The following WDR12 variants were observed in gnomAD, a reference collection of about 807,000 sequenced individuals.
The protein encoded by WDR12 is ribosome biogenesis protein WDR12.
Under a neutral mutation model 64.3 loss-of-function variants are expected in WDR12, and 42 were observed. The observed-to-expected ratio is 0.65, with a 90% CI of 0.51 to 0.84. The LOEUF (loss-of-function observed/expected upper bound fraction) is 0.84. Ranked by LOEUF, WDR12 falls within the 40% of genes least tolerant of loss-of-function variation. The pLI, the probability that WDR12 is intolerant of heterozygous loss-of-function variation, is 0.00. For missense variants in WDR12, 469 were observed against 494.6 expected, an observed-to-expected ratio of 0.95 and a Z score of 0.49; for synonymous variants, 158 against 173.3, an observed-to-expected ratio of 0.91 and a Z score of 0.70.
chr2:202,886,089 G>GT (rs967541823), intron 8 of WDR12, among the ~76,000 whole-genome samples: 3 of 149,748 alleles, frequency 2.0e-5, no homozygotes, highest in Non-Finnish European at 3.0e-5. Flanking sequence ...ATAAGGGGTT[G>GT]TTTTTTACAA....
In WDR12 at chr2:202,883,601, G is replaced by A; in HGVS notation, c.1121+8C>T. On this transcript the variant is annotated splice_region_variant and intron_variant, in intron 11 of 12. Transcript: ENST00000261015. ...ATGTTTCTCTTATAGATCATAAATA[G>A]AATTTACCTTCTTGTATCCCACAGC... 3 of 1,612,446 alleles carry A rather than the reference G, an allele frequency of 1.9e-6. No individual in the cohort carries two copies. The highest frequency in any genetic ancestry group is 2.5e-6 in the Non-Finnish European group (3 of 1,179,092).
chr2:202,907,741 TA>T, intron 2 of WDR12, 123 bp downstream of exon 2: 1 of 712,372 alleles, frequency 1.4e-6, no homozygotes, highest in Non-Finnish European at 2.4e-6. Context: ...CTGTACTTTA[TA>T]ACTTACAAAT....
At position 202,894,884 on chromosome 2, in the gene WDR12, C is replaced by T. The variant is rs568872402; in HGVS notation, c.610-258G>A. 1.8e-5 allele frequency: 6 copies of T among 327,884 alleles called. 1 individual carries two copies. Among genetic ancestry groups the T allele is most frequent in the East Asian group, 5.6e-5 (1 of 17,752 alleles). 20.3% of individuals were successfully genotyped at this position (327,884 alleles called of 1,614,324 possible). ...AAAGTCAACTTGAGGGACAAGACAG[C>T]GAGAGGGTGTGCGGACCACATTCAA... On this transcript the variant is annotated intron_variant, in intron 6 of 12. Coordinates refer to ENST00000261015, the MANE Select transcript of WDR12 (RefSeq NM_018256.4).
rs1421896154 is a variant in WDR12 at position 202,874,312 on chromosome 2, T to C, written c.*6548A>G. Among the ~76,000 whole-genome samples, 2 of 152,202 alleles carry C rather than the reference T, an allele frequency of 1.3e-5. No homozygotes were observed. The highest frequency in any genetic ancestry group is 2.9e-5 in the Non-Finnish European group (2 of 68,046). On this transcript the variant is annotated 3_prime_UTR_variant, in exon 13 of 13. Transcript: ENST00000261015. ...TACTGAACTGTTATTTAACTTTCTA[T>C]CCTTTCTATCAACATATAATACACT...
intron 6 of WDR12, among the ~76,000 whole-genome samples, chr2:202,895,617 G>A (rs556415151): frequency 6.6e-6 from 1 of 150,484 alleles, no homozygotes; most frequent in African/African-American, 2.4e-5. Flanking sequence ...CTGTCTCCCG[G>A]GTTCAAGTGA....
intron 1 of WDR12, among the ~76,000 whole-genome samples, chr2:202,911,159 A>G (rs1669689059): frequency 2.6e-5 from 4 of 152,176 alleles, no homozygotes; most frequent in Admixed American, 2.6e-4. Context: ...AAAACTGTGA[A>G]CCACCACTAG....
chr2:202,887,067 C>G (rs1175063285), intron 8 of WDR12, among the ~76,000 whole-genome samples: 4 of 152,194 alleles, frequency 2.6e-5, no homozygotes, highest in Non-Finnish European at 5.9e-5. Flanking sequence ...ACTCATCGCC[C>G]AGGCTAGAGT....
intron 1 of WDR12, among the ~76,000 whole-genome samples, chr2:202,910,357 T>C (rs1330115425): frequency 6.6e-6 from 1 of 152,054 alleles, no homozygotes; most frequent in African/African-American, 2.4e-5. Flanking sequence ...TTCCTGTCTC[T>C]ACTAAAAATA....
At chr2:202,885,889 G>A (rs567315283) in intron 8 of WDR12, among the ~76,000 whole-genome samples, 41 of 152,104 alleles carry the variant, frequency 2.7e-4, no homozygotes, top group Non-Finnish European at 4.3e-4. Context: ...GTAAGACCCC[G>A]TCTCTACTAA....
intron 8 of WDR12, among the ~76,000 whole-genome samples, chr2:202,891,765 C>T (rs547365548): frequency 2.8e-4 from 42 of 152,294 alleles, no homozygotes; most frequent in Middle Eastern, 3.4e-3. Flanking sequence ...CTAAACCTGA[C>T]TCAGTATTGC....
In WDR12 at chr2:202,903,820, A is replaced by G. The variant is rs552583107; in HGVS notation, c.137-2701T>C. On this transcript the variant is annotated intron_variant, in intron 2 of 12. Transcript: ENST00000261015. Reference sequence around the variant, plus strand: ...CAAAGAAGTGAAAGATCTCTACAACAAAAACTATAAAACATCGATGAAAGA... The same window carrying G: ...CAAAGAAGTGAAAGATCTCTACAACGAAAACTATAAAACATCGATGAAAGA... Among the ~76,000 whole-genome samples the G allele has an allele frequency of 3.3e-5, 5 of 152,214 alleles. 1 individual carries two copies. In the South Asian group the frequency reaches 8.3e-4, roughly 25 times the overall value.
intron 2 of WDR12, among the ~76,000 whole-genome samples, chr2:202,904,264 T>C (rs1390529543): frequency 6.7e-6 from 1 of 149,902 alleles, no homozygotes; most frequent in Non-Finnish European, 1.5e-5. Context: ...AAAATGTCCA[T>C]AGTACCCAAA....
rs557268777 is a variant in WDR12 at position 202,880,753 on chromosome 2, T to C, written c.*107A>G. ...GCTGTTATGAAGGGTGAAAACATTATATAAACTTCAAAAGGCTGCTTTCTG... is the reference window on the plus strand; with the variant it reads ...GCTGTTATGAAGGGTGAAAACATTACATAAACTTCAAAAGGCTGCTTTCTG... On this transcript the variant is annotated 3_prime_UTR_variant, in exon 13 of 13. Transcript: ENST00000261015. 23 of 872,716 alleles carry C rather than the reference T, an allele frequency of 2.6e-5. No individual in the cohort carries two copies. Among genetic ancestry groups the C allele is most frequent in the Non-Finnish European group, 3.1e-5 (18 of 585,584 alleles). 54.1% of individuals were successfully genotyped at this position (872,716 alleles called of 1,614,324 possible).
At chr2:202,894,162 C>T (rs1040020720) in intron 7 of WDR12, among the ~76,000 whole-genome samples, 1 of 151,478 alleles carries the variant, frequency 6.6e-6, no homozygotes, top group Non-Finnish European at 1.5e-5. Context: ...AATTTGTTGC[C>T]ATACTGGTCT....
chr2:202,887,443 T>G (rs917906927), intron 8 of WDR12, among the ~76,000 whole-genome samples: 4 of 152,182 alleles, frequency 2.6e-5, no homozygotes, highest in African/African-American at 9.7e-5. Flanking sequence ...ATTTGCCAAC[T>G]CCTAGACCAA....
rs565425056 is a variant in WDR12 at position 202,887,845 on chromosome 2, G to A, written c.742-3310C>T. Among the ~76,000 whole-genome samples the A allele has an allele frequency of 2.4e-3, 348 of 143,612 alleles. 1 individual carries two copies. Among genetic ancestry groups the A allele is most frequent in the Admixed American group, 4.8e-3 (66 of 13,770 alleles). The allele number at this position is 143,612 out of a possible 152,430, so 94.2% of individuals were successfully genotyped here. A position where few individuals can be genotyped will look rare whatever the true frequency, so the allele number is the denominator to read the frequency against. ...GGAGCTTGCAGTGAGCCGAGATTGC[G>A]CCACTGCAGTCCGCAGTCCGACCTG... On this transcript the variant is annotated intron_variant, in intron 8 of 12. Coordinates refer to ENST00000261015, the MANE Select transcript of WDR12 (RefSeq NM_018256.4).
At chr2:202,909,480 G>A (rs899392998) in intron 1 of WDR12, among the ~76,000 whole-genome samples, 1 of 152,158 alleles carries the variant, frequency 6.6e-6, no homozygotes, top group African/African-American at 2.4e-5. Flanking sequence ...GTCCAGAAGA[G>A]AGAAAGTTAC....
intron 6 of WDR12, among the ~76,000 whole-genome samples, chr2:202,895,769 A>C (rs989949690): frequency 3.4e-5 from 5 of 147,202 alleles, no homozygotes; most frequent in African/African-American, 1.3e-4. Flanking sequence ...ACCTCAGGTG[A>C]TCTGCCCGCC....
intron 8 of WDR12, among the ~76,000 whole-genome samples, chr2:202,889,015 T>C (rs1409017303): frequency 3.3e-5 from 5 of 152,318 alleles, no homozygotes; most frequent in Middle Eastern, 6.8e-3. Context: ...TTTTCTATTA[T>C]TTCTAACGCA....
Sources: gnomAD v4.1 joint callset for allele counts (sites outside exome capture counted in the v4.1 genomes callset) on GRCh38, gnomAD v4.1.1 for gene constraint, MANE v1.5 for transcripts, NCBI Gene and HGNC (gene_info 2026-07-23, HGNC 2026-07-21) for gene names.